Variants in RANBP17 observed in about 807,000 individuals in gnomAD.
The protein encoded by RANBP17 is ran-binding protein 17.
In RANBP17, 158 loss-of-function variants were observed where a neutral mutation model predicts 141.2. That is an observed-to-expected ratio of 1.12 (90% CI 0.98 to 1.28). The LOEUF is 1.28. RANBP17 is among the 50% of genes most tolerant of loss of function. The pLI, the probability that RANBP17 is intolerant of heterozygous loss-of-function variation, is 0.00. For synonymous variants in RANBP17, 430 were observed against 450.0 expected, an observed-to-expected ratio of 0.96 and a Z score of 0.56; for missense variants, 1,438 against 1,290.7, an observed-to-expected ratio of 1.11 and a Z score of -1.75.
chr5:171,185,738 G>A (rs926945264), intron 18 of RANBP17, among the ~76,000 whole-genome samples: 1 of 152,156 alleles, frequency 6.6e-6, no homozygotes, highest in African/African-American at 2.4e-5. Context: ...GAACCCCTCA[G>A]AGTCGTCCAT....
At chr5:171,170,462 A>G (rs1760023323) in intron 15 of RANBP17, among the ~76,000 whole-genome samples, 1 of 152,074 alleles carries the variant, frequency 6.6e-6, no homozygotes, top group Non-Finnish European at 1.5e-5. Context: ...TAAAAGATTT[A>G]CAGACCTTGA....
chr5:171,006,556 T>C (rs961025972), intron 14 of RANBP17, among the ~76,000 whole-genome samples: 9 of 151,948 alleles, frequency 5.9e-5, no homozygotes, highest in African/African-American at 1.9e-4. Flanking sequence ...TGAGAACACA[T>C]GGACACAGGA....
intron 24 of RANBP17, chr5:171,251,897 C>G: frequency 1.3e-6 from 2 of 1,558,592 alleles, no homozygotes; most frequent in Admixed American, 3.3e-5. Flanking sequence ...GAGATTGGTC[C>G]AGAACAGTTT....
chr5:170,875,253 T>C (rs1320031602), intron 1 of RANBP17, among the ~76,000 whole-genome samples: 3 of 152,162 alleles, frequency 2.0e-5, no homozygotes, highest in Non-Finnish European at 4.4e-5. Flanking sequence ...CTCCTGCTGC[T>C]CTTTATGTTT....
chr5:171,183,255 G>C (rs1760987938), intron 17 of RANBP17, 25 bp downstream of exon 17: 1 of 1,587,044 alleles, frequency 6.3e-7, no homozygotes, highest in African/African-American at 1.3e-5. Flanking sequence ...TTTAATTAAT[G>C]AATAACATTT....
At chr5:171,243,919 C>A (rs1224268610) in intron 24 of RANBP17, among the ~76,000 whole-genome samples, 6 of 150,032 alleles carry the variant, frequency 4.0e-5, no homozygotes, top group Non-Finnish European at 5.9e-5. Flanking sequence ...ATTAAAAATA[C>A]AAAAAAAAAT....
At chr5:171,027,233 G>T in intron 14 of RANBP17, among the ~76,000 whole-genome samples, 1 of 152,154 alleles carries the variant, frequency 6.6e-6, no homozygotes, top group East Asian at 1.9e-4. Flanking sequence ...CTTTGAAAAA[G>T]TGCAGTTTAT....
At chr5:170,968,688 G>A (rs994685566) in intron 14 of RANBP17, 2 of 469,602 alleles carry the variant, frequency 4.3e-6, no homozygotes, top group African/African-American at 4.0e-5. Context: ...CATAAGATTT[G>A]CTTTTTTAGT....
intron 14 of RANBP17, among the ~76,000 whole-genome samples, chr5:171,059,310 G>GT (rs1783640594): frequency 6.6e-6 from 1 of 152,140 alleles, no homozygotes; most frequent in Non-Finnish European, 1.5e-5. Flanking sequence ...TAACATTTAA[G>GT]TCTTGAATCC....
intron 14 of RANBP17, among the ~76,000 whole-genome samples, chr5:171,033,438 A>G (rs1371052912): frequency 6.6e-6 from 1 of 152,172 alleles, no homozygotes; most frequent in Non-Finnish European, 1.5e-5. Context: ...AAATCCTACG[A>G]CAGTAGAACT....
At chr5:171,283,647 A>G (rs1379943193) in intron 25 of RANBP17, among the ~76,000 whole-genome samples, 1 of 152,246 alleles carries the variant, frequency 6.6e-6, no homozygotes, top group Non-Finnish European at 1.5e-5. Flanking sequence ...ATGAAAAATG[A>G]AAACATTTTG....
At chr5:171,244,376 C>CA (rs1287067483) in intron 24 of RANBP17, among the ~76,000 whole-genome samples, 2 of 151,244 alleles carry the variant, frequency 1.3e-5, no homozygotes, top group Non-Finnish European at 3.0e-5. Flanking sequence ...AACTCCATCT[C>CA]AAAAACAAAA....
intron 14 of RANBP17, among the ~76,000 whole-genome samples, chr5:171,098,173 A>G (rs1054787155): frequency 6.6e-6 from 1 of 152,128 alleles, no homozygotes; most frequent in Non-Finnish European, 1.5e-5. Flanking sequence ...TGCTGGGTCA[A>G]ATGGTATTTC....
At chr5:171,183,476 A>C (rs1325208493) in intron 18 of RANBP17, 46 bp downstream of exon 18, 1 of 1,278,940 alleles carries the variant, frequency 7.8e-7, no homozygotes. Flanking sequence ...TCAGCAATAC[A>C]CTTGTGTGAA....
At chr5:171,070,373 T>G (rs1382142142) in intron 14 of RANBP17, among the ~76,000 whole-genome samples, 1 of 152,184 alleles carries the variant, frequency 6.6e-6, no homozygotes, top group Non-Finnish European at 1.5e-5. Flanking sequence ...TGTATTCTCT[T>G]ACTTGGAATT....
At position 170,915,471 on chromosome 5, in the gene RANBP17, G is replaced by A. The variant is rs185579106; in HGVS notation, c.835-994G>A. ...CCCCAACCCCAGGTGTTTTTAGTAC[G>A]CTAGTGGTTCCTATACTTGTACTTC... On this transcript the variant is annotated intron_variant, in intron 8 of 27. Coordinates refer to ENST00000523189, the MANE Select transcript of RANBP17 (RefSeq NM_022897.5). Among the ~76,000 whole-genome samples, 5 of 152,134 alleles carry A rather than the reference G, an allele frequency of 3.3e-5. No homozygotes were observed. In the East Asian group the frequency reaches 7.7e-4, roughly 23 times the overall value.
intron 20 of RANBP17, among the ~76,000 whole-genome samples, chr5:171,211,511 CT>C (rs1393842701): frequency 6.6e-6 from 1 of 152,150 alleles, no homozygotes; most frequent in African/African-American, 2.4e-5. Flanking sequence ...ATCCACCCAC[CT>C]CAGCCTCCCA....
chr5:170,926,789 A>G (rs898712436), intron 12 of RANBP17, among the ~76,000 whole-genome samples: 6 of 152,100 alleles, frequency 3.9e-5, no homozygotes, highest in Non-Finnish European at 7.4e-5. Flanking sequence ...TTAGTTTTGC[A>G]TGTCTTTCCA....
At chr5:171,187,996 A>G (rs1761385294) in intron 18 of RANBP17, among the ~76,000 whole-genome samples, 2 of 152,224 alleles carry the variant, frequency 1.3e-5, no homozygotes, top group Admixed American at 1.3e-4. Flanking sequence ...AAAGGCATTG[A>G]ATTTTTAAAT....
Sources: allele counts gnomAD v4.1 joint callset (sites outside exome capture counted in the v4.1 genomes callset), GRCh38; gene constraint gnomAD v4.1.1; transcripts MANE v1.5; gene names NCBI Gene and HGNC (gene_info 2026-07-23, HGNC 2026-07-21).